MAGED1: variants seen among roughly 807,000 people sequenced by gnomAD.
The protein encoded by MAGED1 is MAGE family member D1, also known as melanoma-associated antigen D1.
In MAGED1, 3 loss-of-function variants were observed where a neutral mutation model predicts 54.1. That is an observed-to-expected ratio of 0.06 (90% CI 0.03 to 0.14). The LOEUF (loss-of-function observed/expected upper bound fraction) is 0.14, where lower values mean the gene tolerates loss of function less well. Ranked by LOEUF, MAGED1 falls within the 10% of genes least tolerant of loss-of-function variation. The probability of loss-of-function intolerance (pLI) is 1.00; values close to 1 mark genes in which losing one functional copy is unlikely to be tolerated. For synonymous variants in MAGED1, 217 were observed against 227.3 expected, an observed-to-expected ratio of 0.95 and a Z score of 0.41; for missense variants, 485 against 623.4, an observed-to-expected ratio of 0.78 and a Z score of 2.36.
chrX:51,892,717 C>G (rs186035906), upstream of MAGED1, among the ~76,000 whole-genome samples: 1 of 111,404 alleles, frequency 9.0e-6, no homozygotes, highest in Non-Finnish European at 1.9e-5. Context: ...GTCTGTTGCT[C>G]AAATGGAGGA....
intron 1 of MAGED1, among the ~76,000 whole-genome samples, chrX:51,860,445 G>A (rs145923528): frequency 2.7e-5 from 3 of 111,284 alleles, no homozygotes; most frequent in East Asian, 5.7e-4. Flanking sequence ...AGATATAGGG[G>A]GACTGACGGA....
chrX:51,812,190 A>G (rs1175953123), intron 1 of MAGED1, among the ~76,000 whole-genome samples: 3 of 110,039 alleles, frequency 2.7e-5, no homozygotes, highest in Non-Finnish European at 3.8e-5. Flanking sequence ...ATAAATAAAT[A>G]AATAAATAAA....
intron 1 of MAGED1, among the ~76,000 whole-genome samples, chrX:51,813,127 G>T (rs980292590): frequency 4.8e-5 from 5 of 104,942 alleles, no homozygotes; most frequent in Admixed American, 2.1e-4. Context: ...GGGTTTAACC[G>T]ATTCTCCTGC....
chrX:51,828,715 G>A (rs1557357146), intron 1 of MAGED1, among the ~76,000 whole-genome samples: 1 of 110,803 alleles, frequency 9.0e-6, no homozygotes, highest in East Asian at 2.8e-4. Context: ...TTACAATTTG[G>A]AGCTACAATT....
chrX:51,835,668 G>T (rs1025039651), intron 1 of MAGED1, among the ~76,000 whole-genome samples: 3 of 110,791 alleles, frequency 2.7e-5, no homozygotes, highest in Non-Finnish European at 3.8e-5. Context: ...GATATTTTTT[G>T]ATTTGGAAGT....
Position 51,895,141 on chromosome X carries a change from C to T in MAGED1, c.134C>T (p.Ala45Val), listed in dbSNP as rs1439282884. 1 of 1,210,346 alleles carries T rather than the reference C, an allele frequency of 8.3e-7. No homozygotes were observed. The highest frequency in any genetic ancestry group is 1.1e-6 in the Non-Finnish European group (1 of 895,193). Residue 45 changes from alanine (A) to valine (V), a missense_variant, in exon 3 of 13, where the codon GCC becomes GTC. Around this residue, in one of 2 missense-constraint regions of MAGED1, gnomAD observed 299 missense variants for 293.1 expected, o/e 1.02. Transcript: ENST00000326587. Reference protein sequence around the residue: ...QISEAPPTNQATAAASPQSSQ... With the variant: ...QISEAPPTNQVTAAASPQSSQ... ...TCAGAGGCTCCACCTACTAACCAGG[C>T]CACCGCAGCTGCTAGTCCCCAGAGT...
At chrX:51,873,513 C>CTGTG (rs782291880) in intron 1 of MAGED1, among the ~76,000 whole-genome samples, 7 of 64,900 alleles carry the variant, frequency 1.1e-4, no homozygotes, top group Admixed American at 2.0e-4. Context: ...GTGTGTTAGA[C>CTGTG]TGTGTGTGTG....
intron 1 of MAGED1, among the ~76,000 whole-genome samples, chrX:51,881,372 C>T (rs1183475637): frequency 9.0e-6 from 1 of 110,803 alleles, no homozygotes; most frequent in Non-Finnish European, 1.9e-5. Context: ...TGCTCTTCCA[C>T]CTTACATCCT....
Position 51,872,137 on chromosome X carries a change from T to C in MAGED1, c.-36-22132T>C, listed in dbSNP as rs1311110913. Among the ~76,000 whole-genome samples, 3 of 112,124 alleles carry C rather than the reference T, an allele frequency of 2.7e-5. No individual in the cohort carries two copies. The East Asian group carries it at 8.4e-4, about 31-fold the overall frequency. On this transcript the variant is annotated intron_variant, in intron 1 of 12. Coordinates refer to the MAGED1 transcript ENST00000375772. ...TTGATGGGGTTGTTTGTTTTTTTCT[T>C]GTAAATTTGTTTGAGTTCATTGTAG...
chrX:51,814,463 A>G (rs917671207), intron 1 of MAGED1, among the ~76,000 whole-genome samples: 42 of 111,859 alleles, frequency 3.8e-4, no homozygotes, highest in African/African-American at 1.2e-3. Context: ...TATGACCACC[A>G]TTGCCTTTGG....
chrX:51,896,791 G>A lies in MAGED1; in HGVS notation c.1136G>A (p.Gly379Glu), dbSNP rs1557364329. 1 of 1,209,455 alleles carries A rather than the reference G, an allele frequency of 8.3e-7. No homozygotes were observed. The highest frequency in any genetic ancestry group is 1.1e-6 in the Non-Finnish European group (1 of 894,256). ...CCACTGGCCTGGCAGAATCCACCTG[G>A]ATGGCAGACTCCACCTGGATGGCAG... ...PNPLAWQNPP[G>E]WQTPPGWQTP... The change falls in exon 4 of 13, where the codon GGA becomes GAA. Residue 379 changes from glycine (G) to glutamate (E), a missense_variant. Physicochemically the swap from Gly to Glu is moderately conservative, Grantham distance 98 (BLOSUM62 -2). Coordinates refer to ENST00000326587, the MANE Select transcript of MAGED1 (RefSeq NM_006986.4).
intron 1 of MAGED1, among the ~76,000 whole-genome samples, chrX:51,811,241 G>C (rs1925206953): frequency 9.0e-6 from 1 of 111,342 alleles, no homozygotes; most frequent in Non-Finnish European, 1.9e-5. Context: ...TCATTCTTTG[G>C]CTGCTATTTG....
upstream of MAGED1, among the ~76,000 whole-genome samples, chrX:51,889,196 A>G (rs141869635): frequency 2.3e-4 from 26 of 112,176 alleles, no homozygotes; most frequent in African/African-American, 8.1e-4. Context: ...TAAAGGGTAC[A>G]TAGAACCTCA....
At chrX:51,821,916 T>C (rs1557356561) in intron 1 of MAGED1, among the ~76,000 whole-genome samples, 3 of 112,261 alleles carry the variant, frequency 2.7e-5, no homozygotes, top group African/African-American at 9.7e-5. Context: ...TCCAGCTTTT[T>C]ATTTCTGGAA....
At chrX:51,808,807 C>A (rs1415411911) in intron 1 of MAGED1, among the ~76,000 whole-genome samples, 2 of 112,562 alleles carry the variant, frequency 1.8e-5, no homozygotes, top group African/African-American at 6.5e-5. Flanking sequence ...TTTATCTATT[C>A]TCACCCATTT....
At chrX:51,843,054 A>G (rs1557358891) in intron 1 of MAGED1, among the ~76,000 whole-genome samples, 1 of 111,785 alleles carries the variant, frequency 8.9e-6, no homozygotes, top group Non-Finnish European at 1.9e-5. Context: ...AAGAGTTTTT[A>G]TAAGTCTCCT....
intron 1 of MAGED1, among the ~76,000 whole-genome samples, chrX:51,880,871 C>G (rs1372537996): frequency 2.7e-5 from 3 of 111,086 alleles, no homozygotes; most frequent in Non-Finnish European, 5.7e-5. Context: ...CTCTTTTCTC[C>G]CTGGTTATTT....
chrX:51,876,873 C>T (rs1189381496), intron 1 of MAGED1, among the ~76,000 whole-genome samples: 1 of 111,081 alleles, frequency 9.0e-6, no homozygotes, highest in Admixed American at 9.7e-5. Context: ...ATTATCTTTT[C>T]TCATTTAATA....
At chrX:51,835,348 A>T (rs1557357830) in intron 1 of MAGED1, among the ~76,000 whole-genome samples, 2 of 111,045 alleles carry the variant, frequency 1.8e-5, no homozygotes, top group East Asian at 5.6e-4. Flanking sequence ...AAATTACATG[A>T]ATATCTCATG....
Sources: gnomAD v4.1 joint callset for allele counts (sites outside exome capture counted in the v4.1 genomes callset) on GRCh38, gnomAD v4.1.1 for gene constraint, gnomAD v4.1.1 regional missense constraint, MANE v1.5 for transcripts, NCBI Gene and HGNC (gene_info 2026-07-23, HGNC 2026-07-21) for gene names.